The following CTNNA2 variants were observed in gnomAD, a reference collection of about 807,000 sequenced individuals.
CTNNA2 encodes the protein catenin alpha-2.
A neutral mutation model predicts 101.0 loss-of-function variants in CTNNA2; 42 were observed. The observed-to-expected ratio is 0.42, with a 90% CI of 0.32 to 0.54. The LOEUF (loss-of-function observed/expected upper bound fraction) is 0.54. Ranked by LOEUF, CTNNA2 falls within the 20% of genes least tolerant of loss-of-function variation. The pLI is 0.14. For missense variants in CTNNA2, 871 were observed against 1,223.1 expected (o/e 0.71, Z 4.29); for synonymous variants, 450 against 456.4 (o/e 0.99, Z 0.18).
chr2:80,428,663 C>T (rs1681207185), intron 9 of CTNNA2, among the ~76,000 whole-genome samples: 2 of 152,180 alleles, frequency 1.3e-5, no homozygotes, highest in South Asian at 4.1e-4. Context: ...AAAACCCCTA[C>T]ACAAATGTCC....
intron 15 of CTNNA2, among the ~76,000 whole-genome samples, chr2:80,596,952 T>G (rs1292678306): frequency 6.6e-6 from 1 of 152,144 alleles, no homozygotes; most frequent in Admixed American, 6.5e-5. Context: ...CCTTTTCTGC[T>G]TCTATTAAGA....
chr2:79,872,821 C>T (rs942683045), intron 5 of CTNNA2, among the ~76,000 whole-genome samples: 14 of 151,820 alleles, frequency 9.2e-5, no homozygotes, highest in African/African-American at 2.7e-4. Context: ...GGTTCAAATA[C>T]GCTTTACTGA....
chr2:79,564,783 C>T (rs574211257), intron 1 of CTNNA2, among the ~76,000 whole-genome samples: 12 of 152,168 alleles, frequency 7.9e-5, no homozygotes, highest in South Asian at 4.2e-4. Context: ...GAAGTTATGC[C>T]GTATCCTGAA....
At chr2:80,076,498 G>A (rs141189892) in intron 7 of CTNNA2, among the ~76,000 whole-genome samples, 42 of 151,620 alleles carry the variant, frequency 2.8e-4, no homozygotes, top group Non-Finnish European at 3.4e-4. Flanking sequence ...GCCCAGGCTG[G>A]TCTCGCATTC....
At chr2:79,240,053 C>A (rs540290061) in intron 2 of CTNNA2, among the ~76,000 whole-genome samples, 1 of 151,234 alleles carries the variant, frequency 6.6e-6, no homozygotes, top group East Asian at 2.0e-4. Flanking sequence ...GGATTACAGG[C>A]ATGTGCCACC....
intron 7 of CTNNA2, among the ~76,000 whole-genome samples, chr2:80,319,899 TC>T (rs1261292335): frequency 1.3e-5 from 2 of 152,210 alleles, no homozygotes; most frequent in Non-Finnish European, 2.9e-5. Flanking sequence ...GAGTGTCTCT[TC>T]CTGCAGCCTG....
At chr2:79,530,776 G>T (rs1672689609) in intron 1 of CTNNA2, among the ~76,000 whole-genome samples, 1 of 152,062 alleles carries the variant, frequency 6.6e-6, no homozygotes, top group Non-Finnish European at 1.5e-5. Flanking sequence ...AAGATATTTA[G>T]CAGACTTGGA....
chr2:79,431,745 G>A (rs1381865371), intron 4 of CTNNA2, among the ~76,000 whole-genome samples: 1 of 152,124 alleles, frequency 6.6e-6, no homozygotes, highest in African/African-American at 2.4e-5. Context: ...CTCCTTCCCT[G>A]AGGAGGCAAC....
At chr2:80,417,589 G>T (rs957671845) in intron 8 of CTNNA2, among the ~76,000 whole-genome samples, 2 of 151,662 alleles carry the variant, frequency 1.3e-5, no homozygotes, top group Admixed American at 6.6e-5. Flanking sequence ...TTTTTCAAAT[G>T]ATTTTCTTTT....
At chr2:79,724,319 A>G (rs1286077247) in intron 2 of CTNNA2, among the ~76,000 whole-genome samples, 2 of 151,866 alleles carry the variant, frequency 1.3e-5, no homozygotes, top group East Asian at 1.9e-4. Flanking sequence ...GTTCCCTACA[A>G]GAAGACCCCA....
chr2:80,495,993 A>C (rs1172184888), intron 9 of CTNNA2, among the ~76,000 whole-genome samples: 1 of 151,328 alleles, frequency 6.6e-6, no homozygotes, highest in Non-Finnish European at 1.5e-5. Context: ...ACAGAGACAC[A>C]TAGGGAGAAG....
At chr2:79,282,943 T>C (rs1398065808) in intron 2 of CTNNA2, among the ~76,000 whole-genome samples, 10 of 91,860 alleles carry the variant, frequency 1.1e-4, no homozygotes, top group African/African-American at 2.4e-4. Context: ...TTTTAATGAT[T>C]GCCATTCTAA....
At chr2:80,639,082 A>G (rs918165528) in intron 18 of CTNNA2, among the ~76,000 whole-genome samples, 2 of 152,236 alleles carry the variant, frequency 1.3e-5, no homozygotes, top group Non-Finnish European at 2.9e-5. Flanking sequence ...TTGATCCACT[A>G]CTTAGAGCTG....
At chr2:79,637,510 T>C (rs535993862) in intron 1 of CTNNA2, among the ~76,000 whole-genome samples, 1 of 152,216 alleles carries the variant, frequency 6.6e-6, no homozygotes, top group African/African-American at 2.4e-5. Flanking sequence ...TTTTGAACTT[T>C]CAGGAAACAA....
At chr2:79,689,681 G>T (rs987474485) in intron 2 of CTNNA2, among the ~76,000 whole-genome samples, 7 of 151,858 alleles carry the variant, frequency 4.6e-5, no homozygotes, top group African/African-American at 1.2e-4. Flanking sequence ...ATCTACAGGG[G>T]TATTTAAATA....
chr2:80,541,081 G>A (rs1691514536), intron 9 of CTNNA2, among the ~76,000 whole-genome samples: 1 of 152,146 alleles, frequency 6.6e-6, no homozygotes, highest in African/African-American at 2.4e-5. Context: ...ATAAAACCAA[G>A]TTGATAGTCA....
intron 1 of CTNNA2, among the ~76,000 whole-genome samples, chr2:79,617,935 T>C (rs933173604): frequency 2.0e-5 from 3 of 152,112 alleles, no homozygotes; most frequent in Non-Finnish European, 2.9e-5. Flanking sequence ...GTAAGGTTAT[T>C]GTCAAAAAGG....
intron 9 of CTNNA2, among the ~76,000 whole-genome samples, chr2:80,435,803 T>C (rs1032458471): frequency 6.6e-6 from 1 of 152,224 alleles, no homozygotes; most frequent in African/African-American, 2.4e-5. Flanking sequence ...GATAGGCCTA[T>C]GATCAATCTA....
chr2:80,420,267 A>G (rs911129556), intron 9 of CTNNA2, among the ~76,000 whole-genome samples: 4 of 152,148 alleles, frequency 2.6e-5, no homozygotes, highest in African/African-American at 7.2e-5. Flanking sequence ...TAGGAGCTGA[A>G]AACGAACAGC....
Sources: allele counts gnomAD v4.1 joint callset (sites outside exome capture counted in the v4.1 genomes callset), GRCh38; gene constraint gnomAD v4.1.1; transcripts MANE v1.5; gene names NCBI Gene and HGNC (gene_info 2026-07-23, HGNC 2026-07-21).